Variants in ZNF667 observed in about 807,000 individuals in gnomAD.
ZNF667 encodes the protein myocardial ischemic preconditioning upregulated 1 ortholog.
In ZNF667, 13 loss-of-function variants were observed where a neutral mutation model predicts 31.8. The ratio of observed to expected loss-of-function variants is 0.41; its 90% CI spans 0.27 to 0.65. ZNF667 has a LOEUF of 0.65. Ranked by LOEUF, ZNF667 falls within the 30% of genes least tolerant of loss-of-function variation. The pLI is 0.32. For missense variants in ZNF667, 642 were observed against 725.6 expected, an observed-to-expected ratio of 0.88 and a Z score of 1.32; for synonymous variants, 228 against 247.1, an observed-to-expected ratio of 0.92 and a Z score of 0.73.
rs933969923 is a variant in ZNF667, at chr19:56,440,004, C to T, written c.*1158G>A. 7.9e-5 allele frequency: 12 copies of T among 152,240 alleles called. No homozygotes were observed. Among genetic ancestry groups the T allele is most frequent in the African/African-American group, 2.9e-4 (12 of 41,546 alleles). 9.4% of individuals were successfully genotyped at this position (152,240 alleles called of 1,614,324 possible). On this transcript the variant is annotated 3_prime_UTR_variant, in exon 7 of 7. Transcript: ENST00000504904. ...CACTAATCCCATCACGAGGGCTCCA[C>T]CCTCATGACCTCATCTAATCCTAAT...
chr19:56,459,557 T>TA (rs1318732161), intron 5 of ZNF667, among the ~76,000 whole-genome samples: 1 of 152,122 alleles, frequency 6.6e-6, no homozygotes, highest in African/African-American at 2.4e-5. Flanking sequence ...GGACCTTCCT[T>TA]AAAGCGCTAA....
chr19:56,448,916 G>C (rs1407951316), intron 6 of ZNF667, among the ~76,000 whole-genome samples: 1 of 152,170 alleles, frequency 6.6e-6, no homozygotes, highest in East Asian at 1.9e-4. Flanking sequence ...GTGGCCATGG[G>C]AGTGTTTGTA....
intron 3 of ZNF667, among the ~76,000 whole-genome samples, chr19:56,466,347 C>CT (rs1313420268): frequency 2.0e-5 from 3 of 152,214 alleles, no homozygotes; most frequent in Non-Finnish European, 2.9e-5. Context: ...AACCCCCACT[C>CT]TATCACACCC....
Position 56,458,861 on chromosome 19 carries a change from T to C in ZNF667, c.161-614A>G, listed in dbSNP as rs147445617. Among the ~76,000 whole-genome samples, 810 of 152,238 alleles carry C rather than the reference T, an allele frequency of 5.3e-3. 9 individuals are homozygous for C. Among genetic ancestry groups the C allele is most frequent in the Non-Finnish European group, 3.4e-3 (234 of 68,014 alleles). ...TTTACACTGAGTTGGTAAGCATAAG[T>C]AAAGCGCCTCCCTGAGTTCTGAAAG... On this transcript the variant is annotated intron_variant, in intron 5 of 6. Transcript: ENST00000504904.
intron 3 of ZNF667, among the ~76,000 whole-genome samples, chr19:56,469,161 G>A (rs1041155788): frequency 6.6e-6 from 1 of 152,194 alleles, no homozygotes; most frequent in South Asian, 2.1e-4. Context: ...CGCTGAAGCC[G>A]GCCTGTGAGG....
chr19:56,462,752 A>G (rs1210985742), intron 3 of ZNF667, among the ~76,000 whole-genome samples: 1 of 152,128 alleles, frequency 6.6e-6, no homozygotes, highest in Non-Finnish European at 1.5e-5. Flanking sequence ...CTGGGGGGAG[A>G]GCAGTGAGTT....
At chr19:56,458,867 G>A (rs1303648692) in intron 5 of ZNF667, among the ~76,000 whole-genome samples, 4 of 152,136 alleles carry the variant, frequency 2.6e-5, no homozygotes, top group Non-Finnish European at 4.4e-5. Flanking sequence ...TAAGTAAAGC[G>A]CCTCCCTGAG....
intron 3 of ZNF667, among the ~76,000 whole-genome samples, chr19:56,463,006 G>A (rs980169218): frequency 2.0e-5 from 3 of 152,128 alleles, no homozygotes; most frequent in African/African-American, 2.4e-5. Flanking sequence ...CACAGCAGGT[G>A]TCAGCGTCAT....
intron 3 of ZNF667, among the ~76,000 whole-genome samples, chr19:56,466,518 C>T (rs1400725010): frequency 6.6e-6 from 1 of 152,174 alleles, no homozygotes; most frequent in Non-Finnish European, 1.5e-5. Context: ...CACCCCACTT[C>T]TCTGGTGCTC....
At chr19:56,446,306 C>G (rs1333313300) in intron 6 of ZNF667, among the ~76,000 whole-genome samples, 2 of 152,184 alleles carry the variant, frequency 1.3e-5, no homozygotes, top group Non-Finnish European at 2.9e-5. Flanking sequence ...TGCGAGATTT[C>G]TGGCACATGC....
chr19:56,444,107 A>G (rs1278858331), intron 6 of ZNF667: 3 of 397,132 alleles, frequency 7.6e-6, no homozygotes, highest in Non-Finnish European at 1.3e-5. Context: ...GGTTAAATAC[A>G]TATATTACTA....
intron 6 of ZNF667, among the ~76,000 whole-genome samples, chr19:56,451,880 A>AC (rs1265755536): frequency 7.7e-4 from 43 of 55,596 alleles, no homozygotes; most frequent in African/African-American, 2.3e-3. Flanking sequence ...AAAAAAAAAA[A>AC]AAAAAAAAAA....
intron 6 of ZNF667, among the ~76,000 whole-genome samples, chr19:56,448,729 G>A (rs2042757833): frequency 6.6e-6 from 1 of 152,052 alleles, no homozygotes; most frequent in East Asian, 1.9e-4. Flanking sequence ...TGGGCCAGAA[G>A]GCAACTCGCT....
At chr19:56,473,930 C>T (rs1335426479) in intron 2 of ZNF667, 82 bp downstream of exon 2, 1 of 152,142 alleles carries the variant, frequency 6.6e-6, no homozygotes, top group Non-Finnish European at 1.5e-5. Context: ...ATCCAAAACC[C>T]GCTTTGGCAT....
chr19:56,441,114 C>A lies in ZNF667; in HGVS notation c.*48G>T. 2 of 1,544,600 alleles carry A rather than the reference C, an allele frequency of 1.3e-6. No individual in the cohort carries two copies. Among genetic ancestry groups the A allele is most frequent in the Non-Finnish European group, 1.7e-6 (2 of 1,146,920 alleles). Reference sequence around the variant, plus strand: ...ACATTATAGACAAATACATATTTGCCATATGTTTGATAGCCTCATTCGTTG... The same window carrying A: ...ACATTATAGACAAATACATATTTGCAATATGTTTGATAGCCTCATTCGTTG... On this transcript the variant is annotated 3_prime_UTR_variant, in exon 7 of 7. Transcript: ENST00000504904. This position sits in a 1 kb window ranked among gnomAD's most constrained non-coding sequence, Gnocchi z 4.2.
At chr19:56,460,386 G>GA (rs2043020395) in intron 5 of ZNF667, among the ~76,000 whole-genome samples, 1 of 152,208 alleles carries the variant, frequency 6.6e-6, no homozygotes, top group Admixed American at 6.5e-5. Flanking sequence ...AGTAGTTGCT[G>GA]AACCTGGGGG....
Position 56,440,710 on chromosome 19 carries a change from C to T in ZNF667, c.*452G>A, listed in dbSNP as rs567430572. 1.8e-3 allele frequency: 1,137 copies of T among 625,002 alleles called. 2 individuals are homozygous for T. The highest frequency in any genetic ancestry group is 2.0e-3 in the Non-Finnish European group (990 of 498,266). The allele number at this position is 625,002 out of a possible 1,614,324, so 38.7% of individuals were successfully genotyped here. A position where few individuals can be genotyped will look rare whatever the true frequency, so the allele number is the denominator to read the frequency against. On this transcript the variant is annotated 3_prime_UTR_variant, in exon 7 of 7. Coordinates refer to ENST00000504904, the MANE Select transcript of ZNF667 (RefSeq NM_001321356.2). ...GGAGTGCAGTGGTGCAATCTCTGCT[C>T]GGTGCAACCCCCACCTCCTGGGTTC...
chr19:56,447,395 A>G (rs751228274), intron 6 of ZNF667, among the ~76,000 whole-genome samples: 1 of 152,224 alleles, frequency 6.6e-6, no homozygotes, highest in Non-Finnish European at 1.5e-5. Context: ...ATCTACAAGA[A>G]AGATTTATGG....
intron 5 of ZNF667, among the ~76,000 whole-genome samples, chr19:56,460,171 CATCT>C (rs2043015237): frequency 6.6e-6 from 1 of 152,126 alleles, no homozygotes; most frequent in Non-Finnish European, 1.5e-5. Context: ...CCCAAATGCC[CATCT>C]ATTAACTGAT....
Sources: gnomAD v4.1 joint callset for allele counts (sites outside exome capture counted in the v4.1 genomes callset) on GRCh38, gnomAD v4.1.1 for gene constraint, Gnocchi (gnomAD v3.1) non-coding constraint, MANE v1.5 for transcripts, NCBI Gene and HGNC (gene_info 2026-07-23, HGNC 2026-07-21) for gene names.